The following SGCZ variants were observed in gnomAD, a reference collection of about 807,000 sequenced individuals.
SGCZ encodes the protein zeta-sarcoglycan.
In SGCZ, 40 loss-of-function variants were observed where a neutral mutation model predicts 41.3. That is an observed-to-expected ratio of 0.97 (90% CI 0.75 to 1.26). The LOEUF is 1.26. Ranked by LOEUF, SGCZ falls within the 50% of genes most tolerant of loss-of-function variation. The pLI is 0.00. For missense variants in SGCZ, 552 were observed against 369.8 expected, an observed-to-expected ratio of 1.49 and a Z score of -4.04; for synonymous variants, 206 against 137.5, an observed-to-expected ratio of 1.50 and a Z score of -3.49.
At chr8:14,820,349 C>T (rs1371221717) in intron 1 of SGCZ, among the ~76,000 whole-genome samples, 1 of 151,790 alleles carries the variant, frequency 6.6e-6, no homozygotes, top group African/African-American at 2.4e-5. Context: ...CACTGGAGCA[C>T]CCAGGTATAT....
chr8:14,582,510 T>A (rs1376997033), intron 1 of SGCZ, among the ~76,000 whole-genome samples: 1 of 152,136 alleles, frequency 6.6e-6, no homozygotes, highest in Non-Finnish European at 1.5e-5. Context: ...TTTCTTTAAA[T>A]TTATTTTATT....
intron 2 of SGCZ, among the ~76,000 whole-genome samples, chr8:14,337,599 T>C (rs1802548725): frequency 6.6e-6 from 1 of 151,834 alleles, no homozygotes; most frequent in East Asian, 1.9e-4. Flanking sequence ...TGGCAGATGG[T>C]GAAAAAGAGA....
intron 1 of SGCZ, among the ~76,000 whole-genome samples, chr8:14,838,880 G>A (rs894378737): frequency 1.2e-4 from 18 of 152,198 alleles, no homozygotes; most frequent in African/African-American, 3.9e-4. Context: ...TCAGCATAGC[G>A]GGAACAGGGT....
At chr8:14,450,336 G>C (rs992072503) in intron 2 of SGCZ, among the ~76,000 whole-genome samples, 1 of 152,168 alleles carries the variant, frequency 6.6e-6, no homozygotes, top group African/African-American at 2.4e-5. Flanking sequence ...ATGCATATAC[G>C]TGTTTCATTT....
intron 1 of SGCZ, among the ~76,000 whole-genome samples, chr8:14,761,150 G>C (rs566389844): frequency 6.6e-6 from 1 of 152,016 alleles, no homozygotes; most frequent in Admixed American, 6.6e-5. Context: ...GTGCTTTCAC[G>C]GTCTTCGCTA....
chr8:15,176,355 T>G lies in SGCZ; in HGVS notation c.39+61230A>C, dbSNP rs181130897. Among the ~76,000 whole-genome samples, 525 of 152,332 alleles carry G rather than the reference T, an allele frequency of 3.4e-3. 2 individuals are homozygous for G. The highest frequency in any genetic ancestry group is 0.012 in the African/African-American group (506 of 41,582). On this transcript the variant is annotated intron_variant, in intron 1 of 7. Coordinates refer to ENST00000382080, the MANE Select transcript of SGCZ (RefSeq NM_139167.4). ...ATGTTACATGTTATGTTTTCAATTT[T>G]AGAAACAATTTCTCATTCAATAGAA...
At chr8:14,780,531 G>C (rs897776150) in intron 1 of SGCZ, among the ~76,000 whole-genome samples, 1 of 151,982 alleles carries the variant, frequency 6.6e-6, no homozygotes, top group African/African-American at 2.4e-5. Context: ...GTAACAAAGA[G>C]GGCAGACACT....
intron 1 of SGCZ, among the ~76,000 whole-genome samples, chr8:15,011,967 C>T (rs551514271): frequency 2.2e-4 from 33 of 152,204 alleles, no homozygotes; most frequent in African/African-American, 7.2e-4. Flanking sequence ...CAAGAAATTA[C>T]GTCAAAGAAG....
At chr8:14,399,669 AAT>A (rs1332343601) in intron 2 of SGCZ, among the ~76,000 whole-genome samples, 2 of 152,112 alleles carry the variant, frequency 1.3e-5, no homozygotes, top group East Asian at 3.9e-4. Context: ...AAAAGAAGAT[AAT>A]ATTTTATTCA....
At chr8:14,428,928 T>C (rs530721061) in intron 2 of SGCZ, among the ~76,000 whole-genome samples, 44 of 152,232 alleles carry the variant, frequency 2.9e-4, no homozygotes, top group Non-Finnish European at 4.4e-4. Context: ...TATTTGTGAA[T>C]TAGTATAGAA....
chr8:15,012,189 A>T (rs1443724387), intron 1 of SGCZ, among the ~76,000 whole-genome samples: 1 of 152,024 alleles, frequency 6.6e-6, no homozygotes, highest in East Asian at 1.9e-4. Flanking sequence ...ATTGCTGGGC[A>T]TGGTGGTGGA....
intron 2 of SGCZ, among the ~76,000 whole-genome samples, chr8:14,403,335 G>C (rs1396384462): frequency 6.6e-6 from 1 of 150,644 alleles, no homozygotes; most frequent in African/African-American, 2.5e-5. Context: ...TCTTGAATAG[G>C]AGTGGTGAGA....
intron 2 of SGCZ, among the ~76,000 whole-genome samples, chr8:14,445,124 G>C (rs1800394501): frequency 6.6e-6 from 1 of 152,164 alleles, no homozygotes; most frequent in Admixed American, 6.5e-5. Flanking sequence ...TCCAAAGGGA[G>C]AAATGTGAAA....
intron 2 of SGCZ, among the ~76,000 whole-genome samples, chr8:14,346,802 G>C (rs1023279804): frequency 2.6e-5 from 4 of 151,880 alleles, no homozygotes; most frequent in African/African-American, 9.7e-5. Flanking sequence ...CCTTCTCTGT[G>C]ATACATAAAT....
At chr8:14,149,462 A>G (rs1165192530) in intron 5 of SGCZ, among the ~76,000 whole-genome samples, 3 of 152,096 alleles carry the variant, frequency 2.0e-5, no homozygotes, top group Non-Finnish European at 4.4e-5. Context: ...GAATTAACCA[A>G]TGGAGTGAAA....
At chr8:15,154,339 G>C (rs1194781637) in intron 1 of SGCZ, among the ~76,000 whole-genome samples, 1 of 152,170 alleles carries the variant, frequency 6.6e-6, no homozygotes, top group Non-Finnish European at 1.5e-5. Context: ...GAAATAAGCT[G>C]ATCTCTGGAA....
intron 4 of SGCZ, among the ~76,000 whole-genome samples, chr8:14,177,352 G>C (rs902352942): frequency 3.3e-5 from 5 of 152,194 alleles, no homozygotes; most frequent in Non-Finnish European, 5.9e-5. Flanking sequence ...AGGTTTTCTA[G>C]AACTCCAGAT....
At chr8:14,991,399 T>C (rs1303435795) in intron 1 of SGCZ, among the ~76,000 whole-genome samples, 1 of 152,172 alleles carries the variant, frequency 6.6e-6, no homozygotes, top group African/African-American at 2.4e-5. Flanking sequence ...TGTAACAAAA[T>C]CTGCAAATGA....
At chr8:14,261,158 C>G (rs539928394) in intron 3 of SGCZ, among the ~76,000 whole-genome samples, 4 of 152,124 alleles carry the variant, frequency 2.6e-5, no homozygotes, top group Non-Finnish European at 5.9e-5. Context: ...CTTAAATTCT[C>G]AAACCACTGG....
Sources: gnomAD v4.1 joint callset for allele counts (sites outside exome capture counted in the v4.1 genomes callset) on GRCh38, gnomAD v4.1.1 for gene constraint, MANE v1.5 for transcripts, NCBI Gene and HGNC (gene_info 2026-07-23, HGNC 2026-07-21) for gene names.